Variants in SETD7 observed in about 807,000 individuals in gnomAD.
SETD7 encodes SET domain containing 7, histone lysine methyltransferase, also known as histone-lysine N-methyltransferase SETD7.
A neutral mutation model predicts 41.8 loss-of-function variants in SETD7; 16 were observed. The ratio of observed to expected loss-of-function variants is 0.38; its 90% CI spans 0.26 to 0.58. The LOEUF is 0.58. SETD7 is among the 20% of genes least tolerant of loss of function. The pLI is 0.64. For missense variants in SETD7, 346 were observed against 459.7 expected, an observed-to-expected ratio of 0.75 and a Z score of 2.26; for synonymous variants, 163 against 169.7, an observed-to-expected ratio of 0.96 and a Z score of 0.31.
chr4:139,503,179 GAAAAAAAA>G (rs11388022), downstream of SETD7, among the ~76,000 whole-genome samples: 1 of 73,160 alleles, frequency 1.4e-5, no homozygotes, highest in Non-Finnish European at 2.3e-5. Context: ...CTCTGTCTCA[GAAAAAAAA>G]AAAAAAAAAA....
intron 3 of SETD7, 62 bp downstream of exon 3, chr4:139,533,103 T>G (rs747059939): frequency 7.0e-7 from 1 of 1,427,290 alleles, no homozygotes; most frequent in African/African-American, 1.4e-5. Context: ...TACATTTTAC[T>G]CTTCATTGTG....
chr4:139,523,556 C>T, intron 4 of SETD7, 121 bp from the exon 5 acceptor site: 1 of 605,834 alleles, frequency 1.7e-6, no homozygotes. Context: ...CAAGTTATAC[C>T]AACTAGAATG....
chr4:139,512,042 C>G (rs72726559), intron 7 of SETD7, among the ~76,000 whole-genome samples, 199 bp from the exon 8 acceptor site: 8,007 of 152,254 alleles, frequency 0.053, 317 homozygotes, highest in Non-Finnish European at 0.079. Flanking sequence ...CATCCCAGAC[C>G]TGCTGGATTG....
intron 7 of SETD7, 116 bp from the exon 8 acceptor site, chr4:139,511,959 G>C (rs1726889873): frequency 4.1e-6 from 6 of 1,453,606 alleles, no homozygotes; most frequent in Non-Finnish European, 5.4e-6. Context: ...GGCACACCTG[G>C]TATGTGCCCA....
chr4:139,527,203 T>C (rs893706210), intron 4 of SETD7, among the ~76,000 whole-genome samples: 2 of 152,212 alleles, frequency 1.3e-5, no homozygotes, highest in Non-Finnish European at 2.9e-5. Context: ...AGTAACCTAA[T>C]GGGAAGGATT....
At chr4:139,494,616 A>G (rs1303634102), downstream of SETD7, among the ~76,000 whole-genome samples, 1 of 152,242 alleles carries the variant, frequency 6.6e-6, no homozygotes, top group African/African-American at 2.4e-5. Flanking sequence ...GGAGTATGGG[A>G]AAAGTATTAG....
intron 2 of SETD7, chr4:139,546,662 G>T: frequency 2.1e-6 from 1 of 474,202 alleles, no homozygotes; most frequent in Non-Finnish European, 3.8e-6. Context: ...TATGCAAGAT[G>T]GGGGCCCCCA....
At chr4:139,553,607 A>T (rs1246515551) in intron 1 of SETD7, among the ~76,000 whole-genome samples, 1 of 152,226 alleles carries the variant, frequency 6.6e-6, no homozygotes, top group Non-Finnish European at 1.5e-5. Context: ...TGTATGCCTC[A>T]GTTCCCGCCT....
downstream of SETD7, among the ~76,000 whole-genome samples, chr4:139,502,454 C>T (rs1435331908): frequency 1.3e-5 from 2 of 152,194 alleles, no homozygotes; most frequent in Admixed American, 6.5e-5. Context: ...GCCTGTGGCT[C>T]TCTGGGAGAA....
At chr4:139,529,646 C>T (rs1005210687) in intron 3 of SETD7, among the ~76,000 whole-genome samples, 1 of 152,196 alleles carries the variant, frequency 6.6e-6, no homozygotes, top group African/African-American at 2.4e-5. Flanking sequence ...GCAAGACACT[C>T]CTACCCACTA....
chr4:139,504,913 T>C (rs1338069699), downstream of SETD7, among the ~76,000 whole-genome samples: 1 of 152,184 alleles, frequency 6.6e-6, no homozygotes, highest in Non-Finnish European at 1.5e-5. Flanking sequence ...TGTATTCCCC[T>C]TTCCCACAAG....
intron 2 of SETD7, 70 bp downstream of exon 2, chr4:139,546,849 TC>T: frequency 6.3e-7 from 1 of 1,595,886 alleles, no homozygotes; most frequent in South Asian, 1.1e-5. Context: ...TTGAATTCTT[TC>T]GTTTGTATTA....
chr4:139,521,627 G>A (rs1032568755), intron 5 of SETD7, among the ~76,000 whole-genome samples: 2 of 152,096 alleles, frequency 1.3e-5, no homozygotes, highest in African/African-American at 2.4e-5. Context: ...CTGCCACTTT[G>A]CCACGTGACC....
rs1293028385 is a variant in SETD7, at chr4:139,507,138, T to C, written c.*4525A>G. 6.5e-6 allele frequency: 1 copy of C among 152,780 alleles called. No homozygotes were observed. Among genetic ancestry groups the C allele is most frequent in the Non-Finnish European group, 1.5e-5 (1 of 68,132 alleles). The allele number at this position is 152,780 out of a possible 1,614,324, so 9.5% of individuals were successfully genotyped here. A position where few individuals can be genotyped will look rare whatever the true frequency, so the allele number is the denominator to read the frequency against. On this transcript the variant is annotated 3_prime_UTR_variant, in exon 8 of 8. Coordinates refer to ENST00000274031, the MANE Select transcript of SETD7 (RefSeq NM_030648.4). The stretch of plus-strand genomic sequence containing the variant: ...ACTAGGCAGTAAGGGTGGCGGTTGA[T>C]GGCGGCCGGGAAACCGAGTTTCGAG...
chr4:139,502,204 A>G (rs1579195492), downstream of SETD7, among the ~76,000 whole-genome samples: 4 of 152,352 alleles, frequency 2.6e-5, no homozygotes, highest in South Asian at 8.3e-4. Context: ...AATGTTAAGG[A>G]TATGTTAGTG....
At chr4:139,532,951 C>T (rs553066995) in intron 3 of SETD7, 203 of 585,522 alleles carry the variant, frequency 3.5e-4, no homozygotes, top group Middle Eastern at 4.5e-4. Context: ...TCCAAAACAA[C>T]GCTGAAAAAT....
rs774517964 is a variant in SETD7, at chr4:139,506,184, A to C, written c.*5479T>G. ...TGCATCATGCACCCAGACACACTAC[A>C]AAAAACTCATTCATAACACAGTAAG... On this transcript the variant is annotated 3_prime_UTR_variant, in exon 8 of 8. Coordinates refer to ENST00000274031, the MANE Select transcript of SETD7 (RefSeq NM_030648.4). The C allele has an allele frequency of 3.3e-5, 5 of 152,678 alleles. No homozygotes were observed. The highest frequency in any genetic ancestry group is 5.9e-5 in the Non-Finnish European group (4 of 68,048). The allele number at this position is 152,678 out of a possible 1,614,324, so 9.5% of individuals were successfully genotyped here.
intron 7 of SETD7, among the ~76,000 whole-genome samples, chr4:139,501,009 TTCTC>T (rs1726562440): frequency 6.6e-6 from 1 of 152,028 alleles, no homozygotes; most frequent in South Asian, 2.1e-4. Flanking sequence ...CCATAATTTG[TTCTC>T]TCTCTCAGGA....
chr4:139,524,318 A>T (rs1224512843), intron 4 of SETD7, among the ~76,000 whole-genome samples: 1 of 152,218 alleles, frequency 6.6e-6, no homozygotes, highest in Non-Finnish European at 1.5e-5. Flanking sequence ...TCCGCACAGA[A>T]ACGGACCATT....
Sources: allele counts gnomAD v4.1 joint callset (sites outside exome capture counted in the v4.1 genomes callset), GRCh38; gene constraint gnomAD v4.1.1; transcripts MANE v1.5; gene names NCBI Gene and HGNC (gene_info 2026-07-23, HGNC 2026-07-21).